The following NPAS3 variants were observed in gnomAD, a reference collection of about 807,000 sequenced individuals.
NPAS3 encodes the protein neuronal PAS domain protein 3.
NPAS3 carries 14 observed loss-of-function variants against 73.1 expected under a neutral mutation model. The ratio of observed to expected loss-of-function variants is 0.19; its 90% confidence interval spans 0.13 to 0.30. The LOEUF (loss-of-function observed/expected upper bound fraction) is 0.30, where lower values mean the gene tolerates loss of function less well. Among genes scored for constraint, NPAS3 ranks in the 10% least tolerant of loss-of-function variants. NPAS3 has a pLI of 1.00. For missense variants in NPAS3, 1,096 were observed against 1,250.0 expected, an observed-to-expected ratio of 0.88 and a Z score of 1.86; for synonymous variants, 620 against 541.5, an observed-to-expected ratio of 1.14 and a Z score of -2.01.
chr14:33,544,788 T>TTTTATATATATATATATATATATATATA, intron 4 of NPAS3, among the ~76,000 whole-genome samples: 1 of 63,264 alleles, frequency 1.6e-5, no homozygotes, highest in African/African-American at 8.6e-5. Context: ...TGTGTGTGTA[T>TTTTATATATATATATATATATATATATA]TATATATATA....
chr14:33,255,998 G>A (rs1352872185), intron 3 of NPAS3, among the ~76,000 whole-genome samples: 2 of 152,076 alleles, frequency 1.3e-5, no homozygotes, highest in Non-Finnish European at 2.9e-5. Flanking sequence ...GTATAGAGAG[G>A]AATAATTGTC....
At chr14:33,723,339 G>T (rs886744301) in intron 6 of NPAS3, among the ~76,000 whole-genome samples, 2 of 152,052 alleles carry the variant, frequency 1.3e-5, no homozygotes, top group Admixed American at 1.3e-4. Flanking sequence ...AGGGCTGCCG[G>T]ATTTACCAAA....
chr14:33,330,855 GCAGTGA>G (rs891745732), intron 3 of NPAS3, among the ~76,000 whole-genome samples: 1 of 152,154 alleles, frequency 6.6e-6, no homozygotes, highest in Admixed American at 6.5e-5. Context: ...TTTCCATTGA[GCAGTGA>G]CCTAGCCTTA....
At chr14:33,279,304 G>T (rs1171364803) in intron 3 of NPAS3, among the ~76,000 whole-genome samples, 1 of 152,026 alleles carries the variant, frequency 6.6e-6, no homozygotes, top group Non-Finnish European at 1.5e-5. Flanking sequence ...ATTTAATAAT[G>T]TATTCATTTA....
At chr14:33,661,444 A>G (rs1236515065) in intron 5 of NPAS3, among the ~76,000 whole-genome samples, 1 of 152,224 alleles carries the variant, frequency 6.6e-6, no homozygotes, top group African/African-American at 2.4e-5. Flanking sequence ...AAGCTTCACA[A>G]GAAATCCAAG....
At position 33,800,666 on chromosome 14, in the gene NPAS3, A is replaced by G; in HGVS notation, c.2359A>G (p.Thr787Ala). 6.5e-7 allele frequency: 1 copy of G among 1,542,502 alleles called. No individual in the cohort carries two copies. The change falls in exon 12 of 12, where the codon ACT becomes GCT. Residue 787 changes from threonine to alanine, a missense_variant. Transcript: ENST00000356141. This position sits in a 1 kb window ranked among gnomAD's most constrained non-coding sequence, Gnocchi z 6.5. ...CAGCGCGTCCAACTCCTTGCTGTAC[A>G]CTGGGGACCTGGAGGCGCTGCAGAG...
intron 1 of NPAS3, among the ~76,000 whole-genome samples, chr14:32,993,508 G>A (rs1002343119): frequency 1.3e-5 from 2 of 152,104 alleles, no homozygotes; most frequent in African/African-American, 4.8e-5. Context: ...AAAATTATAA[G>A]CAAATGCGCA....
At chr14:33,037,278 G>A (rs1038620650) in intron 1 of NPAS3, among the ~76,000 whole-genome samples, 40 of 152,100 alleles carry the variant, frequency 2.6e-4, no homozygotes, top group African/African-American at 9.2e-4. Context: ...AGGTGGTTGG[G>A]ACTTTGCCAA....
At chr14:33,103,996 A>T (rs1299831998) in intron 2 of NPAS3, among the ~76,000 whole-genome samples, 2 of 152,126 alleles carry the variant, frequency 1.3e-5, no homozygotes, top group Non-Finnish European at 2.9e-5. Flanking sequence ...TGACAAAAAG[A>T]GCTCACGTTT....
intron 1 of NPAS3, among the ~76,000 whole-genome samples, chr14:32,993,385 G>A (rs539635409): frequency 3.2e-4 from 49 of 152,256 alleles, no homozygotes; most frequent in African/African-American, 1.2e-3. Flanking sequence ...GTTGAAAGCA[G>A]GGGCAGGAAA....
intron 2 of NPAS3, among the ~76,000 whole-genome samples, chr14:33,187,440 A>G (rs576003213): frequency 1.3e-5 from 2 of 152,250 alleles, no homozygotes; most frequent in African/African-American, 4.8e-5. Context: ...TGCTTTTTGA[A>G]CCCTGCTCCA....
chr14:33,304,466 A>G (rs769264624), intron 3 of NPAS3, among the ~76,000 whole-genome samples: 2 of 151,884 alleles, frequency 1.3e-5, no homozygotes, highest in Non-Finnish European at 2.9e-5. Flanking sequence ...CTGAAACAGT[A>G]GGGTGTAGGT....
chr14:33,010,177 C>T (rs747713517), intron 1 of NPAS3, among the ~76,000 whole-genome samples: 2 of 152,200 alleles, frequency 1.3e-5, no homozygotes, highest in African/African-American at 2.4e-5. Context: ...CTACTGGCTA[C>T]ACCCTAAACT....
chr14:33,027,836 A>G (rs1395259949), intron 1 of NPAS3, among the ~76,000 whole-genome samples: 1 of 152,208 alleles, frequency 6.6e-6, no homozygotes, highest in Non-Finnish European at 1.5e-5. Context: ...ACTGAGAGTA[A>G]TAGGCTGGAT....
chr14:33,771,978 T>C (rs1184326246), intron 7 of NPAS3, among the ~76,000 whole-genome samples: 1 of 152,154 alleles, frequency 6.6e-6, no homozygotes, highest in Non-Finnish European at 1.5e-5. Context: ...GGATGAGCCT[T>C]CTGGAGCCTC....
intron 6 of NPAS3, among the ~76,000 whole-genome samples, chr14:33,714,548 T>TG (rs1266890188): frequency 1.3e-5 from 2 of 152,158 alleles, no homozygotes; most frequent in African/African-American, 4.8e-5. Flanking sequence ...GATAAATGCC[T>TG]GGGGGAAAAT....
Position 33,056,821 on chromosome 14 carries a change from C to T in NPAS3, c.140+827C>T, listed in dbSNP as rs1048743816. On this transcript the variant is annotated intron_variant, in intron 2 of 11. Transcript: ENST00000356141. ...AGCAACATTAACCTTTAATTAAATT[C>T]TCCTATGGAAAATGGAAAGTAATGT... 2.0e-4 allele frequency among the ~76,000 whole-genome samples: 30 copies of T among 152,128 alleles called. 1 individual carries two copies. Among genetic ancestry groups the T allele is most frequent in the African/African-American group, 7.2e-4 (30 of 41,442 alleles).
At chr14:32,941,739 G>A (rs2036024738) in intron 1 of NPAS3, among the ~76,000 whole-genome samples, 1 of 152,112 alleles carries the variant, frequency 6.6e-6, no homozygotes, top group African/African-American at 2.4e-5. Context: ...TAACCTGTAT[G>A]GAGAAGGAGG....
intron 2 of NPAS3, among the ~76,000 whole-genome samples, chr14:33,180,282 T>C (rs1262934446): frequency 6.6e-6 from 1 of 152,162 alleles, no homozygotes; most frequent in Non-Finnish European, 1.5e-5. Context: ...CTTCTCAGGT[T>C]TTCCAAGCCT....
Sources: gnomAD v4.1 joint callset for allele counts (sites outside exome capture counted in the v4.1 genomes callset) on GRCh38, gnomAD v4.1.1 for gene constraint, Gnocchi (gnomAD v3.1) non-coding constraint, MANE v1.5 for transcripts, NCBI Gene and HGNC (gene_info 2026-07-23, HGNC 2026-07-21) for gene names.